GRID1: variants seen among roughly 807,000 people sequenced by gnomAD.
GRID1 encodes the protein glutamate receptor ionotropic, delta-1.
In GRID1, 28 loss-of-function variants were observed where a neutral mutation model predicts 98.0. That is an observed-to-expected ratio of 0.29 (90% CI 0.21 to 0.39). GRID1 has a LOEUF of 0.39. Ranked by LOEUF, GRID1 falls within the 10% of genes least tolerant of loss-of-function variation. The probability of loss-of-function intolerance (pLI) is 1.00; values close to 1 mark genes in which losing one functional copy is unlikely to be tolerated. For missense variants in GRID1, 1,111 were observed against 1,340.5 expected, an observed-to-expected ratio of 0.83 and a Z score of 2.67; for synonymous variants, 553 against 538.5, an observed-to-expected ratio of 1.03 and a Z score of -0.37.
At chr10:86,293,930 A>G (rs1254601189) in intron 2 of GRID1, among the ~76,000 whole-genome samples, 3 of 152,222 alleles carry the variant, frequency 2.0e-5, no homozygotes, top group Non-Finnish European at 2.9e-5. Flanking sequence ...AAAAATAACA[A>G]TAAGATAATA....
At chr10:85,753,276 C>T (rs1428858120) in intron 8 of GRID1, among the ~76,000 whole-genome samples, 3 of 152,108 alleles carry the variant, frequency 2.0e-5, no homozygotes, top group East Asian at 1.9e-4. Flanking sequence ...AATAAGTGGT[C>T]CTTTACTGCA....
chr10:86,051,490 T>C (rs890658599), intron 4 of GRID1, among the ~76,000 whole-genome samples: 57 of 149,822 alleles, frequency 3.8e-4, no homozygotes, highest in Non-Finnish European at 7.4e-5. Flanking sequence ...CATATATAAA[T>C]CAAACCCTGT....
At chr10:86,153,557 A>G (rs1265241438) in intron 3 of GRID1, among the ~76,000 whole-genome samples, 3 of 152,178 alleles carry the variant, frequency 2.0e-5, no homozygotes, top group Admixed American at 2.0e-4. Flanking sequence ...TTGCTTCCCA[A>G]TTCCATGTCT....
At chr10:85,722,863 C>T in intron 12 of GRID1, 140 bp downstream of exon 12, 1 of 471,462 alleles carries the variant, frequency 2.1e-6, no homozygotes, top group Non-Finnish European at 3.6e-6. Context: ...AAGCTCTTCT[C>T]CATGCACTAA....
chr10:85,787,357 C>CTTT (rs1388476914), intron 8 of GRID1, among the ~76,000 whole-genome samples: 1 of 152,206 alleles, frequency 6.6e-6, no homozygotes, highest in East Asian at 1.9e-4. Flanking sequence ...GCTTTTTCCT[C>CTTT]TGAGTCTGCT....
intron 4 of GRID1, among the ~76,000 whole-genome samples, chr10:85,940,562 T>C (rs964668880): frequency 7.9e-5 from 12 of 152,226 alleles, no homozygotes; most frequent in Admixed American, 7.9e-4. Context: ...CTTACAGCTC[T>C]GGAAATATAT....
chr10:85,724,996 A>T (rs1251857127), intron 10 of GRID1, among the ~76,000 whole-genome samples: 1 of 151,954 alleles, frequency 6.6e-6, no homozygotes, highest in Admixed American at 6.6e-5. Context: ...AACTTTAGCT[A>T]TCTTCTTTTT....
intron 4 of GRID1, among the ~76,000 whole-genome samples, chr10:86,107,213 G>C (rs1844403883): frequency 6.6e-6 from 1 of 152,196 alleles, no homozygotes; most frequent in African/African-American, 2.4e-5. Flanking sequence ...TCCTATCCAG[G>C]TGCCTTCTTC....
At chr10:85,702,183 A>C (rs957204038) in intron 12 of GRID1, among the ~76,000 whole-genome samples, 2 of 152,158 alleles carry the variant, frequency 1.3e-5, no homozygotes, top group African/African-American at 2.4e-5. Context: ...TTATAACAAA[A>C]CTATAAAATG....
chr10:85,973,735 A>G (rs1181237276), intron 4 of GRID1, among the ~76,000 whole-genome samples: 2 of 152,238 alleles, frequency 1.3e-5, no homozygotes, highest in African/African-American at 4.8e-5. Flanking sequence ...AATTGAGAAT[A>G]GACTTTTTAA....
chr10:86,151,621 T>G (rs1327094412), intron 3 of GRID1, among the ~76,000 whole-genome samples: 2 of 152,210 alleles, frequency 1.3e-5, no homozygotes, highest in African/African-American at 4.8e-5. Context: ...ATGTAGCATC[T>G]TCATTAGTTC....
At chr10:86,132,364 C>G (rs1844851271) in intron 4 of GRID1, among the ~76,000 whole-genome samples, 1 of 152,218 alleles carries the variant, frequency 6.6e-6, no homozygotes, top group African/African-American at 2.4e-5. Context: ...CCAAGCCCAT[C>G]TGAACAAAAT....
intron 4 of GRID1, among the ~76,000 whole-genome samples, chr10:85,945,278 CT>C (rs1842041710): frequency 6.6e-6 from 1 of 152,130 alleles, no homozygotes; most frequent in South Asian, 2.1e-4. Flanking sequence ...AGTACAAAAT[CT>C]TTTTGGTATA....
intron 12 of GRID1, among the ~76,000 whole-genome samples, chr10:85,719,086 G>C (rs139324979): frequency 6.6e-6 from 1 of 152,124 alleles, no homozygotes; most frequent in Non-Finnish European, 1.5e-5. Context: ...GCGAAATGCC[G>C]CTAGTCTCTT....
At chr10:85,885,588 CA>C (rs1841105334) in intron 5 of GRID1, among the ~76,000 whole-genome samples, 1 of 152,146 alleles carries the variant, frequency 6.6e-6, no homozygotes, top group Non-Finnish European at 1.5e-5. Context: ...TTTGGAGACA[CA>C]AGAGTTTCAC....
chr10:85,780,749 G>A (rs992109966), intron 8 of GRID1, among the ~76,000 whole-genome samples: 4 of 152,198 alleles, frequency 2.6e-5, no homozygotes, highest in Admixed American at 6.5e-5. Context: ...GGTGAGCTAC[G>A]CCTCCCTTCT....
intron 5 of GRID1, among the ~76,000 whole-genome samples, chr10:85,912,871 A>C (rs1841559893): frequency 6.6e-6 from 1 of 152,222 alleles, no homozygotes; most frequent in African/African-American, 2.4e-5. Flanking sequence ...GTGGCTGAGA[A>C]ACCATTTGTC....
At chr10:86,253,108 C>T (rs1285466456) in intron 2 of GRID1, among the ~76,000 whole-genome samples, 2 of 152,248 alleles carry the variant, frequency 1.3e-5, no homozygotes, top group South Asian at 2.1e-4. Flanking sequence ...CAATGAAATC[C>T]GAAAAGGGTT....
intron 5 of GRID1, among the ~76,000 whole-genome samples, chr10:85,900,316 AT>A (rs1407874380): frequency 6.6e-6 from 1 of 152,194 alleles, no homozygotes; most frequent in Non-Finnish European, 1.5e-5. Flanking sequence ...AGGAGGTGTA[AT>A]AACAGGGTAG....
Sources: gnomAD v4.1 joint callset for allele counts (sites outside exome capture counted in the v4.1 genomes callset) on GRCh38, gnomAD v4.1.1 for gene constraint, MANE v1.5 for transcripts, NCBI Gene and HGNC (gene_info 2026-07-23, HGNC 2026-07-21) for gene names.